Variants in SYNPO2 observed in about 807,000 individuals in gnomAD.
SYNPO2 encodes the protein synaptopodin 2.
In SYNPO2, 56 loss-of-function variants were observed where a neutral mutation model predicts 85.0. The ratio of observed to expected loss-of-function variants is 0.66; its 90% CI spans 0.53 to 0.82. The LOEUF is 0.82. SYNPO2 is among the 40% of genes least tolerant of loss of function. The pLI is 0.00. For missense variants in SYNPO2, 1,575 were observed against 1,534.2 expected, an observed-to-expected ratio of 1.03 and a Z score of -0.44; for synonymous variants, 602 against 591.1, an observed-to-expected ratio of 1.02 and a Z score of -0.27.
chr4:119,050,177 C>T (rs1273325779), intron 4 of SYNPO2, among the ~76,000 whole-genome samples: 1 of 151,926 alleles, frequency 6.6e-6, no homozygotes, highest in Non-Finnish European at 1.5e-5. Context: ...ACTAAAAGTA[C>T]AAAAATTAGC....
intron 2 of SYNPO2, among the ~76,000 whole-genome samples, chr4:119,025,544 A>C (rs192752616): frequency 1.3e-5 from 2 of 152,260 alleles, no homozygotes. Context: ...TATTTTGAGC[A>C]TTGGTCGGAA....
At chr4:119,005,685 G>A (rs1737008355) in intron 1 of SYNPO2, among the ~76,000 whole-genome samples, 1 of 151,898 alleles carries the variant, frequency 6.6e-6, no homozygotes, top group Admixed American at 6.6e-5. Flanking sequence ...TTGTTCTTTT[G>A]GCTTAGGATT....
At chr4:119,047,433 A>G (rs923827024) in intron 4 of SYNPO2, among the ~76,000 whole-genome samples, 2 of 152,250 alleles carry the variant, frequency 1.3e-5, no homozygotes, top group Non-Finnish European at 2.9e-5. Flanking sequence ...AGTCCTGATT[A>G]TGTGCCCTTC....
intron 4 of SYNPO2, chr4:119,036,451 T>C (rs1208635794): frequency 5.1e-6 from 5 of 985,302 alleles, no homozygotes; most frequent in Non-Finnish European, 6.0e-6. Flanking sequence ...GCCGAGTTAG[T>C]CAACAATTAT....
At chr4:119,051,443 G>T (rs558037853) in intron 4 of SYNPO2, among the ~76,000 whole-genome samples, 1 of 151,464 alleles carries the variant, frequency 6.6e-6, no homozygotes, top group Non-Finnish European at 1.5e-5. Context: ...CGCCCGCCTC[G>T]GCCTCCCAAA....
rs1283018703 is a variant in SYNPO2, at chr4:118,967,590, G to GC, written c.106-55836dup. 2.0e-5 allele frequency among the ~76,000 whole-genome samples: 3 copies of GC among 152,322 alleles called. No homozygotes were observed. The East Asian group carries it at 5.8e-4, about 29-fold the overall frequency. On this transcript the variant is annotated intron_variant, in intron 1 of 4. Transcript: ENST00000307142. ...ACTCAACTAAAAGTGCAGTGGGGAAGCCCCATTCATGGTAATTTCCAGAGA... is the reference window on the plus strand; with the variant it reads ...ACTCAACTAAAAGTGCAGTGGGGAAGCCCCCATTCATGGTAATTTCCAGAGA...
intron 1 of SYNPO2, among the ~76,000 whole-genome samples, chr4:118,919,703 C>T (rs944083018): frequency 6.6e-6 from 1 of 151,988 alleles, no homozygotes; most frequent in Non-Finnish European, 1.5e-5. Context: ...ATATATAGCT[C>T]GAAATATGAG....
At chr4:119,017,626 T>A (rs1737572749) in intron 1 of SYNPO2, among the ~76,000 whole-genome samples, 1 of 152,134 alleles carries the variant, frequency 6.6e-6, no homozygotes, top group African/African-American at 2.4e-5. Context: ...TATTGCCAGG[T>A]CCCTGAGACT....
At chr4:118,906,141 G>A (rs1178195247) in intron 1 of SYNPO2, among the ~76,000 whole-genome samples, 1 of 152,114 alleles carries the variant, frequency 6.6e-6, no homozygotes, top group African/African-American at 2.4e-5. Context: ...ATGAATGAAT[G>A]ACTGTACATC....
At chr4:118,906,129 A>G (rs1246549767) in intron 1 of SYNPO2, among the ~76,000 whole-genome samples, 1 of 152,230 alleles carries the variant, frequency 6.6e-6, no homozygotes, top group Non-Finnish European at 1.5e-5. Context: ...GTTGTTGAAT[A>G]AATGAATGAA....
chr4:118,975,927 C>T (rs1157877186), intron 1 of SYNPO2, among the ~76,000 whole-genome samples: 1 of 152,156 alleles, frequency 6.6e-6, no homozygotes. Context: ...TCCTCAAAGT[C>T]AGGAGAAAAA....
At chr4:118,876,662 C>T (rs1362450918) in intron 1 of SYNPO2, among the ~76,000 whole-genome samples, 15 of 141,734 alleles carry the variant, frequency 1.1e-4, no homozygotes, top group African/African-American at 1.3e-4. Context: ...TTCCTTCCTT[C>T]CTTTCTCTTT....
At chr4:118,877,592 G>A (rs768683314) in intron 1 of SYNPO2, among the ~76,000 whole-genome samples, 1 of 152,240 alleles carries the variant, frequency 6.6e-6, no homozygotes, top group Middle Eastern at 3.4e-3. Context: ...CGGCCAACAA[G>A]CATATGAAAA....
chr4:118,971,390 C>A (rs750551960), intron 1 of SYNPO2, among the ~76,000 whole-genome samples: 6 of 152,196 alleles, frequency 3.9e-5, no homozygotes, highest in Non-Finnish European at 7.3e-5. Flanking sequence ...ATGTTGAAGG[C>A]TTAGAGTAGC....
chr4:118,952,878 AATT>A (rs1201349611), intron 1 of SYNPO2, among the ~76,000 whole-genome samples: 5 of 152,156 alleles, frequency 3.3e-5, no homozygotes, highest in African/African-American at 1.2e-4. Context: ...CCTCGGAAGG[AATT>A]ATTATGATAC....
intron 1 of SYNPO2, among the ~76,000 whole-genome samples, chr4:118,992,100 G>A (rs1418493871): frequency 6.6e-6 from 1 of 152,198 alleles, no homozygotes; most frequent in Non-Finnish European, 1.5e-5. Context: ...ATGGTGCTAG[G>A]GAGGTAGGTG....
intron 1 of SYNPO2, among the ~76,000 whole-genome samples, chr4:118,906,770 G>A (rs1732951230): frequency 6.6e-6 from 1 of 151,674 alleles, no homozygotes; most frequent in African/African-American, 2.4e-5. Context: ...TGGTATTTTA[G>A]CAAATTACTA....
In SYNPO2 at chr4:119,060,351, T is replaced by C. The variant is rs1280603467; in HGVS notation, c.*2417T>C. 3 of 152,192 alleles carry C rather than the reference T, an allele frequency of 2.0e-5. No homozygotes were observed. The highest frequency in any genetic ancestry group is 6.5e-5 in the Admixed American group (1 of 15,278). The allele number at this position is 152,192 out of a possible 1,614,324, so 9.4% of individuals were successfully genotyped here. On this transcript the variant is annotated 3_prime_UTR_variant, in exon 5 of 5. Coordinates refer to ENST00000307142, the MANE Select transcript of SYNPO2 (RefSeq NM_133477.3). ...ATTTCTCACAAGGAAAAAAACATTC[T>C]ATATTTGTAGCAGAAATCAGTGGTT...
chr4:119,030,582 T>G lies in SYNPO2; in HGVS notation c.1807T>G (p.Phe603Val), dbSNP rs1738188927. ...PGSVNQPATP[F>V]SPTRNMTSPI... ...GTCTGTGAATCAGCCAGCTACCCCC[T>G]TCTCGCCAACCCGAAACATGACGAG... Residue 603 changes from phenylalanine to valine, a missense_variant, in exon 4 of 5, where the codon TTC becomes GTC. Physicochemically the swap from Phe to Val is conservative, Grantham distance 50. Transcript: ENST00000307142. The G allele has an allele frequency of 6.2e-7, 1 of 1,614,112 alleles. No homozygotes were observed. The highest frequency in any genetic ancestry group is 8.5e-7 in the Non-Finnish European group (1 of 1,180,008).
Sources: gnomAD v4.1 joint callset for allele counts (sites outside exome capture counted in the v4.1 genomes callset) on GRCh38, gnomAD v4.1.1 for gene constraint, MANE v1.5 for transcripts, NCBI Gene and HGNC (gene_info 2026-07-23, HGNC 2026-07-21) for gene names.